Variants in SNX29 observed in about 807,000 individuals in gnomAD.
SNX29 encodes the protein sorting nexin 29.
SNX29 carries 78 observed loss-of-function variants against 102.1 expected under a neutral mutation model. The ratio of observed to expected loss-of-function variants is 0.76; its 90% CI spans 0.64 to 0.92. SNX29 has a LOEUF of 0.92. Ranked by LOEUF, SNX29 falls within the 40% of genes least tolerant of loss-of-function variation. SNX29 has a pLI of 0.00. For synonymous variants in SNX29, 580 were observed against 414.5 expected, an observed-to-expected ratio of 1.40 and a Z score of -4.85; for missense variants, 1,280 against 1,061.7, an observed-to-expected ratio of 1.21 and a Z score of -2.86.
intron 13 of SNX29, among the ~76,000 whole-genome samples, chr16:12,164,629 G>C (rs1250427397): frequency 6.6e-6 from 1 of 151,186 alleles, no homozygotes; most frequent in Non-Finnish European, 1.5e-5. Flanking sequence ...TTTAATCATG[G>C]GATTTTCTTA....
intron 20 of SNX29, among the ~76,000 whole-genome samples, chr16:12,543,848 C>A (rs191558748): frequency 1.3e-5 from 2 of 152,206 alleles, no homozygotes; most frequent in Non-Finnish European, 2.9e-5. Context: ...AAGAGAGAAG[C>A]CAGTGGTGGA....
chr16:12,524,782 C>A lies in SNX29; in HGVS notation c.2259C>A (p.Val753=). The change falls in exon 20 of 21, where the codon GTC becomes GTA. Residue 753 remains valine (V), a synonymous_variant. Transcript: ENST00000566228. ...TCATGAACAAAGTCATCCAGATGGT[C>A]CCCGAGTTCGCTGCCAGCCCCAAGA... ...RSVMNKVIQM[V]PEFAASPKKE... is the part of the protein sequence containing the mutation. 2 of 1,613,766 alleles carry A rather than the reference C, an allele frequency of 1.2e-6. No homozygotes were observed. Among genetic ancestry groups the A allele is most frequent in the Non-Finnish European group, 1.7e-6 (2 of 1,179,824 alleles).
In SNX29 at chr16:12,369,245, C is replaced by G. The variant is rs555575097; in HGVS notation, c.1899+12966C>G. Among the ~76,000 whole-genome samples, 3 of 152,078 alleles carry G rather than the reference C, an allele frequency of 2.0e-5. No individual in the cohort carries two copies. In the South Asian group the frequency reaches 6.2e-4, roughly 32 times the overall value. On this transcript the variant is annotated intron_variant, in intron 16 of 20. Transcript: ENST00000566228. ...CCGCCTCCTAGGTTCAAGCAATTCT[C>G]CTGCCTTAGCCTCCCGAGTAGCTGG...
intron 15 of SNX29, among the ~76,000 whole-genome samples, chr16:12,318,816 G>A (rs931680462): frequency 2.0e-5 from 3 of 152,084 alleles, no homozygotes; most frequent in East Asian, 1.9e-4. Context: ...ACGTGTCCAC[G>A]TGTAAGTGTG....
At chr16:12,014,564 C>G (rs1181148222) in intron 3 of SNX29, among the ~76,000 whole-genome samples, 1 of 151,832 alleles carries the variant, frequency 6.6e-6, no homozygotes, top group Non-Finnish European at 1.5e-5. Flanking sequence ...GAAACCCTGT[C>G]TCTACTAAAA....
intron 13 of SNX29, among the ~76,000 whole-genome samples, chr16:12,161,329 G>A (rs2055776049): frequency 6.6e-6 from 1 of 152,184 alleles, no homozygotes; most frequent in Admixed American, 6.5e-5. Context: ...TCCATCACGA[G>A]GTTCCCCGAC....
At chr16:12,469,753 G>C (rs183429000) in intron 18 of SNX29, among the ~76,000 whole-genome samples, 1 of 152,222 alleles carries the variant, frequency 6.6e-6, no homozygotes, top group African/African-American at 2.4e-5. Context: ...GCTCACGCCT[G>C]TAATCTCAGC....
intron 14 of SNX29, among the ~76,000 whole-genome samples, chr16:12,237,286 G>A (rs898555727): frequency 6.6e-6 from 1 of 152,232 alleles, no homozygotes; most frequent in South Asian, 2.1e-4. Flanking sequence ...GAATCACAAA[G>A]TGTGTCCACT....
chr16:12,404,702 G>A (rs549372681), intron 18 of SNX29, among the ~76,000 whole-genome samples: 17 of 152,280 alleles, frequency 1.1e-4, no homozygotes, highest in African/African-American at 3.4e-4. Flanking sequence ...ACTTGAAAGC[G>A]GAATCCCTGG....
chr16:12,124,317 C>T (rs2054110488), intron 11 of SNX29, among the ~76,000 whole-genome samples: 1 of 150,660 alleles, frequency 6.6e-6, no homozygotes, highest in Non-Finnish European at 1.5e-5. Context: ...GATCATACCA[C>T]TGCACTCCAT....
chr16:12,554,598 C>G (rs3848243), intron 20 of SNX29, among the ~76,000 whole-genome samples: 1 of 151,946 alleles, frequency 6.6e-6, no homozygotes, highest in East Asian at 1.9e-4. Flanking sequence ...AGCTCCCAAG[C>G]CAGAGGAGCT....
At chr16:12,396,383 C>A (rs1182838953) in intron 16 of SNX29, among the ~76,000 whole-genome samples, 3 of 152,190 alleles carry the variant, frequency 2.0e-5, no homozygotes, top group Non-Finnish European at 2.9e-5. Flanking sequence ...ACTCTGTTCA[C>A]TTCCAGTTGG....
chr16:12,265,904 C>T (rs970056046), intron 14 of SNX29, among the ~76,000 whole-genome samples: 5 of 151,812 alleles, frequency 3.3e-5, no homozygotes, highest in Admixed American at 1.3e-4. Flanking sequence ...AAAGAAAACT[C>T]TCATATCTTT....
chr16:12,366,641 G>C (rs2082493565), intron 16 of SNX29, among the ~76,000 whole-genome samples: 1 of 152,206 alleles, frequency 6.6e-6, no homozygotes. Flanking sequence ...GCCTTTCCCA[G>C]GAACTTTGGG....
chr16:12,443,190 T>C lies in SNX29; in HGVS notation c.2038-34529T>C, dbSNP rs138048153. ...CTGTCATGCTCCTTCCTATGGAAGC[T>C]GCTCAGTAGATCCTGCTGGGGACAT... On this transcript the variant is annotated intron_variant, in intron 18 of 20. Coordinates refer to ENST00000566228, the MANE Select transcript of SNX29 (RefSeq NM_032167.5). The C allele has an allele frequency of 2.5e-3, 914 of 362,892 alleles. 13 individuals are homozygous for C. Among genetic ancestry groups the C allele is most frequent in the South Asian group, 0.017 (848 of 48,804 alleles). 22.5% of individuals were successfully genotyped at this position (362,892 alleles called of 1,614,324 possible).
intron 13 of SNX29, among the ~76,000 whole-genome samples, chr16:12,144,970 C>T (rs2055004917): frequency 6.6e-6 from 1 of 152,234 alleles, no homozygotes; most frequent in African/African-American, 2.4e-5. Context: ...ATCCGCCCGC[C>T]TCGGCCTCCC....
At chr16:12,479,030 C>G (rs1362401809) in intron 19 of SNX29, among the ~76,000 whole-genome samples, 1 of 152,194 alleles carries the variant, frequency 6.6e-6, no homozygotes, top group Non-Finnish European at 1.5e-5. Context: ...TGAGCATGAT[C>G]TCTCTGCCAT....
intron 14 of SNX29, among the ~76,000 whole-genome samples, chr16:12,238,639 T>C (rs187145986): frequency 6.6e-6 from 1 of 152,314 alleles, no homozygotes; most frequent in Non-Finnish European, 1.5e-5. Flanking sequence ...TAGGTACTTG[T>C]GAGGAACGTC....
intron 19 of SNX29, among the ~76,000 whole-genome samples, chr16:12,499,673 T>G (rs77457397): frequency 0.022 from 3,344 of 152,198 alleles, 69 homozygotes; most frequent in East Asian, 0.055. Context: ...CTGCATTCAT[T>G]TACTTCTTTA....
Sources: allele counts gnomAD v4.1 joint callset (sites outside exome capture counted in the v4.1 genomes callset), GRCh38; gene constraint gnomAD v4.1.1; transcripts MANE v1.5; gene names NCBI Gene and HGNC (gene_info 2026-07-23, HGNC 2026-07-21).